The following CDKAL1 variants were observed in gnomAD, a reference collection of about 807,000 sequenced individuals.
CDKAL1 encodes CDKAL1 threonylcarbamoyladenosine tRNA methylthiotransferase.
In CDKAL1, 32 loss-of-function variants were observed where a neutral mutation model predicts 68.2. That is an observed-to-expected ratio of 0.47 (90% CI 0.35 to 0.63). The LOEUF is 0.63. Among genes scored for constraint, CDKAL1 ranks in the 30% least tolerant of loss-of-function variants. The probability of loss-of-function intolerance (pLI) is 0.00; values close to 1 mark genes in which losing one functional copy is unlikely to be tolerated. For synonymous variants in CDKAL1, 234 were observed against 244.3 expected, an observed-to-expected ratio of 0.96 and a Z score of 0.39; for missense variants, 606 against 696.7, an observed-to-expected ratio of 0.87 and a Z score of 1.47.
intron 15 of CDKAL1, among the ~76,000 whole-genome samples, chr6:21,212,348 A>G (rs1779185716): frequency 6.6e-6 from 1 of 152,198 alleles, no homozygotes; most frequent in Non-Finnish European, 1.5e-5. Flanking sequence ...AAAAAATCAC[A>G]GTCAAGCCAC....
intron 4 of CDKAL1, among the ~76,000 whole-genome samples, chr6:20,610,750 A>C (rs968518069): frequency 5.9e-5 from 9 of 152,238 alleles, no homozygotes; most frequent in African/African-American, 2.2e-4. Context: ...ATTCTACTTT[A>C]GGCTAGAATC....
chr6:21,223,001 C>T (rs1050179174), intron 15 of CDKAL1, among the ~76,000 whole-genome samples: 5 of 152,106 alleles, frequency 3.3e-5, no homozygotes, highest in Admixed American at 6.6e-5. Flanking sequence ...ATTACAAATT[C>T]GCAACGTGGC....
intron 5 of CDKAL1, among the ~76,000 whole-genome samples, chr6:20,734,863 CT>C (rs34104100): frequency 1.8e-3 from 157 of 87,716 alleles, no homozygotes; most frequent in African/African-American, 6.1e-3. Flanking sequence ...TGCTGCACCT[CT>C]TTTTTTTTTT....
At chr6:20,711,045 C>T (rs185304896) in intron 5 of CDKAL1, among the ~76,000 whole-genome samples, 27 of 152,084 alleles carry the variant, frequency 1.8e-4, no homozygotes, top group Non-Finnish European at 3.8e-4. Flanking sequence ...GGGAATTGAG[C>T]GACATATATC....
rs190753120 is a variant in CDKAL1, at chr6:20,602,976, G to C, written c.287-46317G>C. Among the ~76,000 whole-genome samples the C allele has an allele frequency of 3.9e-5, 6 of 152,264 alleles. No individual in the cohort carries two copies. The East Asian group carries it at 1.2e-3, about 29-fold the overall frequency. ...ATTAGGACTCTAGTCCTGTCATACT[G>C]ATTAAATCTCAGAAGGGTATAGATG... On this transcript the variant is annotated intron_variant, in intron 4 of 15. Transcript: ENST00000274695.
chr6:21,059,970 G>T (rs1014143256), intron 11 of CDKAL1, among the ~76,000 whole-genome samples: 8 of 151,978 alleles, frequency 5.3e-5, no homozygotes, highest in African/African-American at 1.7e-4. Flanking sequence ...CTGCCTTTGT[G>T]TACCCATAGC....
At chr6:20,543,732 ATTTT>A (rs758586145) in intron 2 of CDKAL1, among the ~76,000 whole-genome samples, 3 of 102,418 alleles carry the variant, frequency 2.9e-5, no homozygotes, top group South Asian at 3.0e-4. Context: ...TATGTTTTAC[ATTTT>A]TTTTTTTTTT....
At chr6:20,769,255 A>AAC (rs1774831387) in intron 7 of CDKAL1, among the ~76,000 whole-genome samples, 1 of 39,418 alleles carries the variant, frequency 2.5e-5, no homozygotes, top group African/African-American at 1.0e-4. Context: ...ACTTGTGATC[A>AAC]TCTTTTTTTT....
At chr6:21,144,763 T>C (rs1424911077) in intron 13 of CDKAL1, among the ~76,000 whole-genome samples, 1 of 151,930 alleles carries the variant, frequency 6.6e-6, no homozygotes, top group Non-Finnish European at 1.5e-5. Flanking sequence ...TCATTATGCC[T>C]TTGCACTCCA....
chr6:21,205,184 A>G (rs552355644), intron 15 of CDKAL1, among the ~76,000 whole-genome samples: 2 of 152,358 alleles, frequency 1.3e-5, no homozygotes, highest in African/African-American at 4.8e-5. Flanking sequence ...GCCACATTTC[A>G]TTAATTCATT....
Position 20,711,067 on chromosome 6 carries a change from G to A in CDKAL1, c.372-28452G>A, listed in dbSNP as rs189666030. On this transcript the variant is annotated intron_variant, in intron 5 of 15. Coordinates refer to ENST00000274695, the MANE Select transcript of CDKAL1 (RefSeq NM_017774.3). The stretch of plus-strand genomic sequence containing the variant: ...GAGCGACATATATCATTCCTCTAGA[G>A]GTGTGGCTTTTTAGTAGGATTAAGA... Among the ~76,000 whole-genome samples the A allele has an allele frequency of 3.3e-5, 5 of 152,186 alleles. No individual in the cohort carries two copies. The East Asian group carries it at 7.7e-4, about 23-fold the overall frequency.
intron 4 of CDKAL1, among the ~76,000 whole-genome samples, chr6:20,633,131 C>A (rs1219092759): frequency 6.6e-6 from 1 of 152,132 alleles, no homozygotes; most frequent in Non-Finnish European, 1.5e-5. Context: ...TTCATAGAGT[C>A]AATTTAAAAC....
At chr6:20,850,573 G>A (rs1294666401) in intron 9 of CDKAL1, among the ~76,000 whole-genome samples, 1 of 152,040 alleles carries the variant, frequency 6.6e-6, no homozygotes, top group Non-Finnish European at 1.5e-5. Flanking sequence ...GAGTAGCTGG[G>A]ACTACAGGTG....
chr6:21,071,371 C>T (rs1582139404), intron 12 of CDKAL1, among the ~76,000 whole-genome samples: 1 of 152,124 alleles, frequency 6.6e-6, no homozygotes, highest in Non-Finnish European at 1.5e-5. Context: ...GAAGGGGGTG[C>T]CTGCTGCCCC....
chr6:20,968,333 A>G (rs1200686643), intron 10 of CDKAL1, among the ~76,000 whole-genome samples: 1 of 151,090 alleles, frequency 6.6e-6, no homozygotes, highest in Non-Finnish European at 1.5e-5. Context: ...TAGTTTCTGT[A>G]TTTTTTATAG....
intron 4 of CDKAL1, among the ~76,000 whole-genome samples, chr6:20,552,552 C>G (rs1314623904): frequency 2.0e-5 from 3 of 151,064 alleles, no homozygotes; most frequent in Non-Finnish European, 2.9e-5. Flanking sequence ...TTTTACACAC[C>G]TAATTTTGTT....
intron 13 of CDKAL1, among the ~76,000 whole-genome samples, chr6:21,197,773 T>C (rs1213529353): frequency 6.6e-6 from 1 of 152,168 alleles, no homozygotes; most frequent in Non-Finnish European, 1.5e-5. Flanking sequence ...TGTTTCAGAG[T>C]TATGTAAGAA....
chr6:20,842,146 A>T (rs747118597), intron 8 of CDKAL1, among the ~76,000 whole-genome samples: 29 of 152,318 alleles, frequency 1.9e-4, no homozygotes, highest in Middle Eastern at 6.8e-3. Flanking sequence ...GAAGCTTCTT[A>T]TGTTGAAATG....
chr6:20,962,136 T>A (rs1765088611), intron 10 of CDKAL1, among the ~76,000 whole-genome samples: 1 of 152,238 alleles, frequency 6.6e-6, no homozygotes, highest in Admixed American at 6.5e-5. Context: ...ACAAGTTATA[T>A]ATTTTTAAAC....
Sources: allele counts gnomAD v4.1 joint callset (sites outside exome capture counted in the v4.1 genomes callset), GRCh38; gene constraint gnomAD v4.1.1; transcripts MANE v1.5; gene names NCBI Gene and HGNC (gene_info 2026-07-23, HGNC 2026-07-21).